PRKN: variants seen among roughly 807,000 people sequenced by gnomAD.
PRKN encodes the protein parkin RBR E3 ubiquitin protein ligase.
PRKN carries 56 observed loss-of-function variants against 59.5 expected under a neutral mutation model. That is an observed-to-expected ratio of 0.94 (90% CI 0.76 to 1.18). The LOEUF (loss-of-function observed/expected upper bound fraction) is 1.18, where lower values mean the gene tolerates loss of function less well. Among genes scored for constraint, PRKN ranks in the 50% most tolerant of loss-of-function variants. The pLI, the probability that PRKN is intolerant of heterozygous loss-of-function variation, is 0.00. For missense variants in PRKN, 657 were observed against 596.4 expected, an observed-to-expected ratio of 1.10 and a Z score of -1.06; for synonymous variants, 250 against 222.1, an observed-to-expected ratio of 1.13 and a Z score of -1.12.
chr6:161,998,933 AG>A (rs951236969), intron 5 of PRKN, among the ~76,000 whole-genome samples: 17 of 152,122 alleles, frequency 1.1e-4, no homozygotes, highest in African/African-American at 3.9e-4. Context: ...ATGTGTGTTT[AG>A]GTAATTTTCC....
chr6:161,638,840 C>A (rs1169375272), intron 7 of PRKN, among the ~76,000 whole-genome samples: 3 of 149,780 alleles, frequency 2.0e-5, no homozygotes, highest in African/African-American at 7.4e-5. Flanking sequence ...CTCCCGGGCT[C>A]ATGCAATTCT....
chr6:162,451,033 T>C (rs1358859808), intron 1 of PRKN, among the ~76,000 whole-genome samples: 3 of 152,130 alleles, frequency 2.0e-5, no homozygotes, highest in Non-Finnish European at 4.4e-5. Flanking sequence ...AATGTTCATA[T>C]ATATTAAAGA....
At chr6:161,790,756 A>G (rs1167989805) in intron 6 of PRKN, among the ~76,000 whole-genome samples, 2 of 152,154 alleles carry the variant, frequency 1.3e-5, no homozygotes, top group African/African-American at 4.8e-5. Context: ...CCACCAGTTT[A>G]TGGGATTTTG....
intron 1 of PRKN, among the ~76,000 whole-genome samples, chr6:162,710,266 C>T (rs1778481087): frequency 6.6e-6 from 1 of 151,854 alleles, no homozygotes; most frequent in African/African-American, 2.4e-5. Context: ...TACCTGATCC[C>T]TCCCTTCCCT....
At chr6:161,767,524 A>AC (rs1417207611) in intron 7 of PRKN, among the ~76,000 whole-genome samples, 1 of 152,006 alleles carries the variant, frequency 6.6e-6, no homozygotes, top group Admixed American at 6.5e-5. Flanking sequence ...CTCAAAAAAA[A>AC]AAAAACAAAA....
intron 5 of PRKN, among the ~76,000 whole-genome samples, chr6:162,037,649 C>A (rs1252064322): frequency 6.6e-6 from 1 of 151,720 alleles, no homozygotes; most frequent in East Asian, 1.9e-4. Flanking sequence ...TGGGTTCAAG[C>A]AATTCTCCTG....
intron 7 of PRKN, among the ~76,000 whole-genome samples, chr6:161,595,852 G>A (rs969694739): frequency 6.6e-6 from 1 of 152,082 alleles, no homozygotes; most frequent in Non-Finnish European, 1.5e-5. Flanking sequence ...GCGGGAAAGT[G>A]AAAAAAGAAA....
At chr6:162,236,013 GAAA>G (rs1778691724) in intron 3 of PRKN, among the ~76,000 whole-genome samples, 2 of 149,622 alleles carry the variant, frequency 1.3e-5, no homozygotes, top group Non-Finnish European at 3.0e-5. Flanking sequence ...AAGAAAGAAA[GAAA>G]GAAAGAAACT....
chr6:161,938,561 T>C (rs1779438855), intron 6 of PRKN, among the ~76,000 whole-genome samples: 1 of 152,158 alleles, frequency 6.6e-6, no homozygotes, highest in African/African-American at 2.4e-5. Flanking sequence ...TCCAATATTT[T>C]TTGTGATTAT....
intron 6 of PRKN, among the ~76,000 whole-genome samples, chr6:161,968,176 A>T (rs1780654226): frequency 7.0e-6 from 1 of 141,946 alleles, no homozygotes; most frequent in Non-Finnish European, 1.5e-5. Context: ...GCGCGCCACC[A>T]TGCCTGGCTA....
At position 161,576,572 on chromosome 6, in the gene PRKN, C is replaced by G. The variant is rs761995514; in HGVS notation, c.872-7156G>C. On this transcript the variant is annotated intron_variant, in intron 7 of 11. Transcript: ENST00000366898. The surrounding 1 kb of genome is among the most constrained non-coding windows in gnomAD (Gnocchi z 4.6). ...ACCCACTTTGTGCCAGGCACTATTA[C>G]GACACTTGGGTCGCAGCCGTGAAAA... Among the ~76,000 whole-genome samples the G allele has an allele frequency of 5.3e-5, 8 of 152,214 alleles. No homozygotes were observed. The highest frequency in any genetic ancestry group is 5.2e-4 in the Admixed American group (8 of 15,280).
chr6:162,450,235 C>G (rs1175501093), intron 1 of PRKN, among the ~76,000 whole-genome samples: 2 of 151,554 alleles, frequency 1.3e-5, no homozygotes, highest in Admixed American at 1.3e-4. Flanking sequence ...GCCCCTGTGA[C>G]AGTAAATCCC....
At chr6:161,968,356 C>G (rs925173449) in intron 6 of PRKN, among the ~76,000 whole-genome samples, 1 of 151,904 alleles carries the variant, frequency 6.6e-6, no homozygotes, top group South Asian at 2.1e-4. Context: ...AGAGTCTTTT[C>G]GAAGGCCTGG....
intron 4 of PRKN, among the ~76,000 whole-genome samples, chr6:162,131,713 A>T (rs372394452): frequency 1.3e-5 from 2 of 152,288 alleles, no homozygotes; most frequent in East Asian, 3.9e-4. Flanking sequence ...ACAAGCCTTA[A>T]ATTTTTCCAA....
intron 4 of PRKN, among the ~76,000 whole-genome samples, chr6:162,164,622 C>T (rs1228948759): frequency 6.7e-6 from 1 of 149,002 alleles, no homozygotes; most frequent in Non-Finnish European, 1.5e-5. Context: ...CTAAGAACTG[C>T]TACCATTTGG....
intron 6 of PRKN, among the ~76,000 whole-genome samples, chr6:161,894,688 G>A (rs549479258): frequency 6.6e-6 from 1 of 152,262 alleles, no homozygotes; most frequent in East Asian, 1.9e-4. Context: ...CTTTCTCTAT[G>A]GGAACGTTTT....
At chr6:161,978,485 T>G (rs1057505025) in intron 5 of PRKN, among the ~76,000 whole-genome samples, 2 of 152,216 alleles carry the variant, frequency 1.3e-5, no homozygotes, top group Admixed American at 6.5e-5. Context: ...TTTTCGAAAA[T>G]TCCACCTTGG....
intron 9 of PRKN, among the ~76,000 whole-genome samples, chr6:161,432,631 C>G (rs1175846625): frequency 6.6e-6 from 1 of 151,358 alleles, no homozygotes; most frequent in Non-Finnish European, 1.5e-5. Flanking sequence ...ATCTGCCCAC[C>G]TCGGCCTCCC....
chr6:161,650,971 G>A (rs530895795), intron 7 of PRKN, among the ~76,000 whole-genome samples: 14 of 152,200 alleles, frequency 9.2e-5, no homozygotes, highest in South Asian at 2.1e-4. Context: ...TACATAATAC[G>A]TTTATTATAT....
Sources: allele counts gnomAD v4.1 joint callset (sites outside exome capture counted in the v4.1 genomes callset), GRCh38; gene constraint gnomAD v4.1.1; non-coding constraint Gnocchi (gnomAD v3.1); transcripts MANE v1.5; gene names NCBI Gene and HGNC (gene_info 2026-07-23, HGNC 2026-07-21).